The following PPP2R5C variants were observed in gnomAD, a reference collection of about 807,000 sequenced individuals.
The protein encoded by PPP2R5C is serine/threonine-protein phosphatase 2A 56 kDa regulatory subunit gamma isoform.
A neutral mutation model predicts 68.9 loss-of-function variants in PPP2R5C; 7 were observed. The observed-to-expected ratio is 0.10, with a 90% confidence interval of 0.06 to 0.19. PPP2R5C has a LOEUF of 0.19. PPP2R5C is among the 10% of genes least tolerant of loss of function. The pLI is 1.00. For synonymous variants in PPP2R5C, 210 were observed against 222.2 expected, an observed-to-expected ratio of 0.95 and a Z score of 0.49; for missense variants, 348 against 641.3, an observed-to-expected ratio of 0.54 and a Z score of 4.94.
intron 3 of PPP2R5C, among the ~76,000 whole-genome samples, chr14:101,801,820 C>G (rs1378621254): frequency 6.6e-6 from 1 of 152,164 alleles, no homozygotes; most frequent in East Asian, 1.9e-4. Context: ...GCATTCTTTT[C>G]CAGAAATAGA....
At chr14:101,901,645 AAC>A (rs2045699454) in intron 8 of PPP2R5C, 72 bp from the exon 11 acceptor site, 15 of 1,509,060 alleles carry the variant, frequency 9.9e-6, no homozygotes, top group Non-Finnish European at 1.4e-5. Context: ...CCGCAGTGAA[AAC>A]ACAGACTTCT....
chr14:101,802,501 CTAAGAG>C (rs1296072993), intron 3 of PPP2R5C, among the ~76,000 whole-genome samples: 1 of 152,030 alleles, frequency 6.6e-6, no homozygotes, highest in African/African-American at 2.4e-5. Flanking sequence ...ACACCTAAAC[CTAAGAG>C]TAAAACTATA....
chr14:101,902,034 G>A (rs933838451), intron 9 of PPP2R5C, 145 bp downstream of exon 11: 19 of 866,696 alleles, frequency 2.2e-5, no homozygotes, highest in Admixed American at 2.9e-5. Context: ...CTTCAAATAC[G>A]ATGCTGTAAC....
At chr14:101,886,206 G>A (rs541083068) in intron 5 of PPP2R5C, among the ~76,000 whole-genome samples, 24 of 152,072 alleles carry the variant, frequency 1.6e-4, no homozygotes, top group Admixed American at 1.0e-3. Flanking sequence ...GCGTGAACCC[G>A]GGAGGCGGAG....
chr14:101,812,053 G>T (rs2039394617), intron 1 of PPP2R5C, among the ~76,000 whole-genome samples: 1 of 152,144 alleles, frequency 6.6e-6, no homozygotes, highest in East Asian at 1.9e-4. Context: ...AACAGTGGGG[G>T]TAATTTCTAA....
rs2403013 is a variant in PPP2R5C, at chr14:101,902,666, G to A, written c.1023+777G>A. On this transcript the variant is annotated intron_variant, in intron 9 of 13. Transcript: ENST00000334743. ...CTTACAGCCAAACGTGAAGGGCCAGGTGGCGTGTGCAGCAGGCTCTCAGAA... is the reference window on the plus strand; with the variant it reads ...CTTACAGCCAAACGTGAAGGGCCAGATGGCGTGTGCAGCAGGCTCTCAGAA... 2.9e-3 allele frequency among the ~76,000 whole-genome samples: 436 copies of A among 152,344 alleles called. 7 individuals carry two copies. Among genetic ancestry groups the A allele is most frequent in the Admixed American group, 0.025 (376 of 15,304 alleles).
In PPP2R5C at chr14:101,781,241, GAGGA is replaced by G. The variant is rs1242351868; in HGVS notation, c.94-4776_94-4773del. On this transcript the variant is annotated intron_variant, in intron 2 of 14. Coordinates refer to the PPP2R5C transcript ENST00000328724. The surrounding 1 kb of genome is among the most constrained non-coding windows in gnomAD (Gnocchi z 6.4). ...GGTGTTGGTGGTGTCTGGTGCCCAG[GAGGA>G]GGGCTTGTTTACAGCTGCCGTATTT... 2.6e-5 allele frequency among the ~76,000 whole-genome samples: 4 copies of G among 152,212 alleles called. No homozygotes were observed. Among genetic ancestry groups the G allele is most frequent in the Non-Finnish European group, 5.9e-5 (4 of 68,028 alleles).
chr14:101,925,967 T>C (rs1291749287), exon 14 of PPP2R5C: 1 of 152,628 alleles, frequency 6.6e-6, no homozygotes, highest in East Asian at 1.9e-4. Context: ...AGAGATTTAT[T>C]TTAAAAGAGA....
intron 1 of PPP2R5C, among the ~76,000 whole-genome samples, chr14:101,850,908 T>A (rs2042121064): frequency 6.6e-6 from 1 of 152,234 alleles, no homozygotes; most frequent in South Asian, 2.1e-4. Context: ...ATTTAGTACA[T>A]ATTAATGATG....
In PPP2R5C at chr14:101,787,581, G is replaced by A. The variant is rs576001483; in HGVS notation, c.259+1398G>A. ...GATCAAGACCATCCTGGCTAACATG[G>A]TGAAACCCCGTCTCTACTAAAAATA... On this transcript the variant is annotated intron_variant, in intron 3 of 14. Coordinates refer to the PPP2R5C transcript ENST00000328724. Among the ~76,000 whole-genome samples the A allele has an allele frequency of 9.8e-3, 1,404 of 142,702 alleles. 26 individuals are homozygous for A. The highest frequency in any genetic ancestry group is 0.037 in the African/African-American group (1,349 of 36,062). The allele number at this position is 142,702 out of a possible 152,430, so 93.6% of individuals were successfully genotyped here.
chr14:101,801,093 G>A (rs2038844244), intron 3 of PPP2R5C, among the ~76,000 whole-genome samples: 1 of 152,150 alleles, frequency 6.6e-6, no homozygotes, highest in African/African-American at 2.4e-5. Flanking sequence ...AGAGAGGGTG[G>A]TTAAGGGCTG....
chr14:101,794,986 G>A (rs79358986), intron 3 of PPP2R5C, among the ~76,000 whole-genome samples: 1,990 of 152,254 alleles, frequency 0.013, 42 homozygotes, highest in African/African-American at 0.044. Flanking sequence ...AATAAATTCA[G>A]TAAAACAATT....
At chr14:101,814,910 A>G (rs765392555) in intron 1 of PPP2R5C, among the ~76,000 whole-genome samples, 10 of 152,196 alleles carry the variant, frequency 6.6e-5, no homozygotes, top group Admixed American at 2.0e-4. Flanking sequence ...GGTGAGCAGG[A>G]CAATCCTAGT....
rs2047048539 is a variant in PPP2R5C at position 101,922,276 on chromosome 14, G to A, written c.1444-2865G>A. 8.6e-6 allele frequency: 7 copies of A among 816,120 alleles called. No individual in the cohort carries two copies. The Admixed American group carries it at 4.4e-4, about 51-fold the overall frequency. The allele number at this position is 816,120 out of a possible 1,614,324, so 50.6% of individuals were successfully genotyped here. ...GGCCGAGGCGGGCAGATCACCTGAG[G>A]TCAGGAGTTCGAGACCAGCCTGACC... On this transcript the variant is annotated intron_variant, in intron 13 of 13. Coordinates refer to ENST00000334743, the Ensembl canonical transcript of PPP2R5C.
In PPP2R5C at chr14:101,838,201, G is replaced by C. The variant is rs192852910; in HGVS notation, c.95-18485G>C. Among the ~76,000 whole-genome samples, 237 of 152,310 alleles carry C rather than the reference G, an allele frequency of 1.6e-3. 4 individuals are homozygous for C. The highest frequency in any genetic ancestry group is 2.1e-3 in the East Asian group (11 of 5,190). On this transcript the variant is annotated intron_variant, in intron 1 of 13. Coordinates refer to ENST00000334743, the Ensembl canonical transcript of PPP2R5C. Reference sequence around the variant, plus strand: ...GAAACCAAAGAACAGGTTTTGGAAGGGGGCAGACAGCGATGAAGCGGGGAG... The same window carrying C: ...GAAACCAAAGAACAGGTTTTGGAAGCGGGCAGACAGCGATGAAGCGGGGAG...
At chr14:101,804,104 A>G (rs554384929) in intron 3 of PPP2R5C, among the ~76,000 whole-genome samples, 5 of 152,252 alleles carry the variant, frequency 3.3e-5, no homozygotes, top group African/African-American at 1.2e-4. Context: ...ACAAATGGCA[A>G]ACAGGCCTAT....
chr14:101,806,901 G>T (rs752226390), upstream of PPP2R5C, among the ~76,000 whole-genome samples: 14 of 152,228 alleles, frequency 9.2e-5, no homozygotes, highest in Non-Finnish European at 1.6e-4. Context: ...GGCCGAGGCT[G>T]CAGTGAGCAG....
chr14:101,795,053 A>G (rs2038544038), intron 3 of PPP2R5C, among the ~76,000 whole-genome samples: 1 of 152,234 alleles, frequency 6.6e-6, no homozygotes, highest in Admixed American at 6.5e-5. Flanking sequence ...TGTTTCTGAC[A>G]TTAGTGGGAA....
intron 8 of PPP2R5C, among the ~76,000 whole-genome samples, chr14:101,895,960 C>T (rs1290834469): frequency 6.6e-5 from 10 of 152,158 alleles, no homozygotes; most frequent in Non-Finnish European, 1.3e-4. Flanking sequence ...TCCCATCTCC[C>T]CACATTCTCA....
Sources: allele counts gnomAD v4.1 joint callset (sites outside exome capture counted in the v4.1 genomes callset), GRCh38; gene constraint gnomAD v4.1.1; non-coding constraint Gnocchi (gnomAD v3.1); transcripts MANE v1.5; gene names NCBI Gene and HGNC (gene_info 2026-07-23, HGNC 2026-07-21).